LOXL3: variants seen among roughly 807,000 people sequenced by gnomAD.
The protein encoded by LOXL3 is lysyl oxidase homolog 3.
Under a neutral mutation model 91.8 loss-of-function variants are expected in LOXL3, and 60 were observed. The ratio of observed to expected loss-of-function variants is 0.65; its 90% CI spans 0.53 to 0.81. LOXL3 has a LOEUF of 0.81. Among genes scored for constraint, LOXL3 ranks in the 30% least tolerant of loss-of-function variants. LOXL3 has a pLI of 0.00. For synonymous variants in LOXL3, 355 were observed against 387.6 expected, an observed-to-expected ratio of 0.92 and a Z score of 0.99; for missense variants, 874 against 1,000.4, an observed-to-expected ratio of 0.87 and a Z score of 1.70.
In LOXL3 at chr2:74,549,397, C is replaced by T. The variant is rs759876701; in HGVS notation, c.664G>A (p.Glu222Lys). ...TAGAAGGCCGCGTTGACCCTCTTTT[C>T]GCTGGGGAAGCCCAGCATCCCGCAG... The part of the protein sequence containing the change: ...VVCGMLGFPS[E>K]KRVNAAFYRL... The change falls in exon 4 of 14, where the codon GAA becomes AAA. Residue 222 changes from glutamate to lysine, a missense_variant. Glu to Lys is a moderately conservative substitution (Grantham distance 56). Transcript: ENST00000264094. This position sits in a 1 kb window ranked among gnomAD's most constrained non-coding sequence, Gnocchi z 5.3. The T allele has an allele frequency of 6.2e-7, 1 of 1,610,408 alleles. No homozygotes were observed. Among genetic ancestry groups the T allele is most frequent in the South Asian group, 1.1e-5 (1 of 90,534 alleles).
chr2:74,552,532 T>G lies in LOXL3; in HGVS notation c.103A>C (p.Lys35Gln), dbSNP rs998524584. The change falls in exon 2 of 14, where the codon AAG (lysine) becomes CAG (glutamine). Residue 35 changes from lysine to glutamine, a missense_variant. Lys to Gln is a moderately conservative substitution (Grantham distance 53). Transcript: ENST00000264094. ...GSPSPSTGPE[K>Q]KAGSQGLRFR... ...CGAAGCCCCTGGCTCCCGGCCTTCT[T>G]CTCAGGGCCCGTGGAAGGGGACGGA... 35 of 1,612,892 alleles carry G rather than the reference T, an allele frequency of 2.2e-5. No individual in the cohort carries two copies. Among genetic ancestry groups the G allele is most frequent in the Non-Finnish European group, 3.0e-5 (35 of 1,179,708 alleles).
chr2:74,532,425 T>A lies in LOXL3; in HGVS notation c.*1181A>T. ...CACTGTTTGTCATTTGGTGCCCTCA[T>A]GTGGTGTACATCTTTTATGTACATG... On this transcript the variant is annotated 3_prime_UTR_variant, in exon 14 of 14. Transcript: ENST00000264094. The A allele has an allele frequency of 1.6e-6, 1 of 633,366 alleles. No homozygotes were observed. The highest frequency in any genetic ancestry group is 2.9e-6 in the Non-Finnish European group (1 of 343,452). 39.2% of individuals were successfully genotyped at this position (633,366 alleles called of 1,614,324 possible).
rs985687855 is a variant in LOXL3, at chr2:74,535,208, C to T, written c.1579+84G>A. ...GCTCTTTTATGGGGAAGAAGTGCCC[C>T]TCCAGATTACAGCCCCCTTTCCCTG... On this transcript the variant is annotated intron_variant, in intron 9 of 13. Coordinates refer to ENST00000264094, the MANE Select transcript of LOXL3 (RefSeq NM_032603.5). This position sits in a 1 kb window ranked among gnomAD's most constrained non-coding sequence, Gnocchi z 4.2. 454 of 1,468,918 alleles carry T rather than the reference C, an allele frequency of 3.1e-4. 1 individual carries two copies. Among genetic ancestry groups the T allele is most frequent in the Non-Finnish European group, 3.8e-4 (410 of 1,089,536 alleles). The allele number at this position is 1,468,918 out of a possible 1,614,324, so 91.0% of individuals were successfully genotyped here. A position where few individuals can be genotyped will look rare whatever the true frequency, so the allele number is the denominator to read the frequency against.
intron 4 of LOXL3, among the ~76,000 whole-genome samples, chr2:74,543,178 C>T (rs1190592280): frequency 6.6e-6 from 1 of 152,192 alleles, no homozygotes; most frequent in Non-Finnish European, 1.5e-5. Context: ...AGGCAGTGTG[C>T]CTAGAGCCGC....
chr2:74,554,962 C>A, upstream of LOXL3: 2 of 1,442,950 alleles, frequency 1.4e-6, no homozygotes, highest in Non-Finnish European at 1.9e-6. The surrounding 1 kb of genome is among the most constrained non-coding windows in gnomAD (Gnocchi z 4.9). Flanking sequence ...TGCACACTCC[C>A]GGGAAGCGTC....
intron 4 of LOXL3, among the ~76,000 whole-genome samples, chr2:74,540,283 G>T (rs547137256): frequency 1.3e-5 from 2 of 152,304 alleles, no homozygotes; most frequent in South Asian, 2.1e-4. Context: ...GGCAAGTAAG[G>T]ACTCCTGAGT....
intron 4 of LOXL3, among the ~76,000 whole-genome samples, chr2:74,541,665 G>A (rs1285621837): frequency 6.6e-6 from 1 of 152,000 alleles, no homozygotes; most frequent in East Asian, 1.9e-4. Context: ...AGTTCACCTT[G>A]ATCTCCAGAG....
intron 3 of LOXL3, 102 bp downstream of exon 3, chr2:74,550,083 G>T (rs1225395112): frequency 4.7e-6 from 7 of 1,483,926 alleles, no homozygotes; most frequent in Non-Finnish European, 6.2e-6. Flanking sequence ...CAATCCAAAT[G>T]ATCCCCCAGG....
chr2:74,534,285 A>G, intron 11 of LOXL3, 31 bp downstream of exon 11: 1 of 1,614,144 alleles, frequency 6.2e-7, no homozygotes, highest in South Asian at 1.1e-5. Flanking sequence ...TGCAATGGAT[A>G]CCATGTGGTT....
chr2:74,549,857 A>G lies in LOXL3; in HGVS notation c.478-274T>C, dbSNP rs1213525542. 2.0e-6 allele frequency: 2 copies of G among 985,330 alleles called. No individual in the cohort carries two copies. The highest frequency in any genetic ancestry group is 2.4e-6 in the Non-Finnish European group (2 of 829,930). 61.0% of individuals were successfully genotyped at this position (985,330 alleles called of 1,614,324 possible). On this transcript the variant is annotated intron_variant, in intron 3 of 13. Coordinates refer to ENST00000264094, the MANE Select transcript of LOXL3 (RefSeq NM_032603.5). The surrounding 1 kb of genome is among the most constrained non-coding windows in gnomAD (Gnocchi z 5.3). ...TGGAGCAGGAGGGAGCACTTCAAAA[A>G]GGAAATGGCTTTGAAGGAGGAGAAA...
intron 4 of LOXL3, among the ~76,000 whole-genome samples, chr2:74,541,488 C>A (rs1403081061): frequency 6.6e-6 from 1 of 152,216 alleles, no homozygotes; most frequent in Non-Finnish European, 1.5e-5. Flanking sequence ...ACATTCCTGG[C>A]AAAGAATATA....
intron 2 of LOXL3, 52 bp downstream of exon 2, chr2:74,552,270 C>A: frequency 6.5e-7 from 1 of 1,527,252 alleles, no homozygotes; most frequent in African/African-American, 1.4e-5. Flanking sequence ...CCTTTCCCTG[C>A]ACTTTGGCCA....
chr2:74,535,918 G>A lies in LOXL3; in HGVS notation c.1248+78C>T. On this transcript the variant is annotated intron_variant, in intron 7 of 13. Coordinates refer to ENST00000264094, the MANE Select transcript of LOXL3 (RefSeq NM_032603.5). This position sits in a 1 kb window ranked among gnomAD's most constrained non-coding sequence, Gnocchi z 4.2. ...CAGGGGCCTGGGGCAATGGGCTGGG[G>A]GCCATTGGACTGTAGATTGGAGACC... 6.7e-7 allele frequency: 1 copy of A among 1,500,786 alleles called. No homozygotes were observed. Among genetic ancestry groups the A allele is most frequent in the Non-Finnish European group, 8.9e-7 (1 of 1,127,586 alleles). The allele number at this position is 1,500,786 out of a possible 1,614,324, so 93.0% of individuals were successfully genotyped here. A position where few individuals can be genotyped will look rare whatever the true frequency, so the allele number is the denominator to read the frequency against.
At chr2:74,547,834 C>CTA (rs912893634) in intron 4 of LOXL3, among the ~76,000 whole-genome samples, 1 of 152,244 alleles carries the variant, frequency 6.6e-6, no homozygotes. Flanking sequence ...TAGACTCAAA[C>CTA]TACTATGATT....
Position 74,536,428 on chromosome 2 carries a change from C to T in LOXL3, c.956G>A (p.Arg319Gln), listed in dbSNP as rs766420467. 25 of 1,613,982 alleles carry T rather than the reference C, an allele frequency of 1.5e-5. No individual in the cohort carries two copies. Among genetic ancestry groups the T allele is most frequent in the Non-Finnish European group, 1.9e-5 (23 of 1,180,040 alleles). ...LKGGAHPGEG[R>Q]VEVLKASTWG... ...TGTGCTGGCCTTCAGGACTTCTACC[C>T]GGCCCTCTCCAGGGTGGGCGCCGCC... Residue 319 changes from arginine (R) to glutamine (Q), a missense_variant, in exon 6 of 14, where the codon CGG becomes CAG. Transcript: ENST00000264094. This position sits in a 1 kb window ranked among gnomAD's most constrained non-coding sequence, Gnocchi z 4.5.
intron 2 of LOXL3, among the ~76,000 whole-genome samples, chr2:74,550,640 G>C (rs2104446864): frequency 6.6e-6 from 1 of 152,314 alleles, no homozygotes; most frequent in South Asian, 2.1e-4. Flanking sequence ...TTCATTGATA[G>C]CTACAATTAA....
At chr2:74,542,313 AC>A (rs1676369356) in intron 4 of LOXL3, among the ~76,000 whole-genome samples, 1 of 152,106 alleles carries the variant, frequency 6.6e-6, no homozygotes, top group South Asian at 2.1e-4. Context: ...AATCAAACAA[AC>A]AAACAAACAA....
At chr2:74,544,173 C>T (rs1425962159) in intron 4 of LOXL3, among the ~76,000 whole-genome samples, 1 of 151,894 alleles carries the variant, frequency 6.6e-6, no homozygotes, top group African/African-American at 2.4e-5. Context: ...GCGTGGTGGG[C>T]ACCTGTAGAC....
Position 74,536,784 on chromosome 2 carries a change from C to T in LOXL3, c.837G>A (p.Val279=). The T allele has an allele frequency of 1.1e-5, 18 of 1,614,222 alleles. No individual in the cohort carries two copies. The highest frequency in any genetic ancestry group is 1.3e-5 in the Non-Finnish European group (15 of 1,180,040). Residue 279 remains valine (V), a synonymous_variant, in exon 5 of 14, where the codon GTG becomes GTA. Coordinates refer to ENST00000264094, the MANE Select transcript of LOXL3 (RefSeq NM_032603.5). The surrounding 1 kb of genome is among the most constrained non-coding windows in gnomAD (Gnocchi z 4.5). ...CGTAGACAGGGCCTGGCACACAGCTCACCACTGCAGGGCCCCCCCCAGGGC... is the reference window on the plus strand; with the variant it reads ...CGTAGACAGGGCCTGGCACACAGCTTACCACTGCAGGGCCCCCCCCAGGGC... ...ARCPGGGPAV[V]SCVPGPVYAA... is the part of the protein sequence containing the mutation.
Sources: gnomAD v4.1 joint callset for allele counts (sites outside exome capture counted in the v4.1 genomes callset) on GRCh38, gnomAD v4.1.1 for gene constraint, Gnocchi (gnomAD v3.1) non-coding constraint, MANE v1.5 for transcripts, NCBI Gene and HGNC (gene_info 2026-07-23, HGNC 2026-07-21) for gene names.